LARGE1: variants seen among roughly 807,000 people sequenced by gnomAD.
LARGE1 encodes the protein LARGE xylosyl- and glucuronyltransferase 1, also known as xylosyl- and glucuronyltransferase LARGE1.
In LARGE1, 43 loss-of-function variants were observed where a neutral mutation model predicts 87.6. That is an observed-to-expected ratio of 0.49 (90% CI 0.38 to 0.63). The LOEUF is 0.63. LARGE1 is among the 30% of genes least tolerant of loss of function. The probability of loss-of-function intolerance (pLI) is 0.00; values close to 1 mark genes in which losing one functional copy is unlikely to be tolerated. For missense variants in LARGE1, 802 were observed against 1,000.2 expected (o/e 0.80, Z 2.67); for synonymous variants, 434 against 394.6 (o/e 1.10, Z -1.18).
At chr22:33,757,070 A>G (rs1408395591) in intron 2 of LARGE1, among the ~76,000 whole-genome samples, 1 of 152,222 alleles carries the variant, frequency 6.6e-6, no homozygotes, top group Non-Finnish European at 1.5e-5. Context: ...CGCACTAACA[A>G]AAACACCACC....
At position 33,748,024 on chromosome 22, in the gene LARGE1, CAAAAAAAA is replaced by C. The variant is rs535230421; in HGVS notation, c.106+13339_106+13346del. ...GGGCACTGTGTGCCCTCTGCTGGAG[CAAAAAAAA>C]AAAAAAAAAAAAAAAAAAAAGCCAA... On this transcript the variant is annotated intron_variant, in intron 2 of 14. Coordinates refer to ENST00000397394, the MANE Select transcript of LARGE1 (RefSeq NM_133642.5). Among the ~76,000 whole-genome samples, 112 of 21,726 alleles carry C rather than the reference CAAAAAAAA, an allele frequency of 5.2e-3. 1 individual carries two copies. The highest frequency in any genetic ancestry group is 0.02 in the Middle Eastern group (1 of 50). 14.3% of individuals were successfully genotyped at this position (21,726 alleles called of 152,430 possible). A position where few individuals can be genotyped will look rare whatever the true frequency, so the allele number is the denominator to read the frequency against.
intron 2 of LARGE1, among the ~76,000 whole-genome samples, chr22:33,759,077 AT>A (rs2084626537): frequency 2.0e-5 from 3 of 152,310 alleles, no homozygotes; most frequent in Admixed American, 6.5e-5. Flanking sequence ...CTCTATGTAG[AT>A]AAAGTCACCC....
chr22:33,512,168 T>C (rs2071086843), intron 6 of LARGE1, among the ~76,000 whole-genome samples: 1 of 152,192 alleles, frequency 6.6e-6, no homozygotes, highest in African/African-American at 2.4e-5. Context: ...AAACTGATAT[T>C]GTAGATTAAG....
intron 4 of LARGE1, among the ~76,000 whole-genome samples, chr22:33,607,775 A>G (rs1237414890): frequency 3.5e-4 from 53 of 152,260 alleles, no homozygotes; most frequent in Admixed American, 3.4e-3. Context: ...CCTGCCATAC[A>G]TGTAACAGGT....
intron 7 of LARGE1, among the ~76,000 whole-genome samples, chr22:33,405,631 G>A (rs1189437340): frequency 2.0e-5 from 3 of 152,062 alleles, no homozygotes; most frequent in Admixed American, 6.6e-5. Flanking sequence ...CTTTCAATAC[G>A]GAATGCTCCA....
At chr22:33,349,234 A>G (rs1940121838) in intron 9 of LARGE1, among the ~76,000 whole-genome samples, 1 of 152,206 alleles carries the variant, frequency 6.6e-6, no homozygotes. Flanking sequence ...CAGCTTGTAG[A>G]TGGCAGATGG....
chr22:33,302,140 G>A (rs779638711), intron 12 of LARGE1, among the ~76,000 whole-genome samples: 4 of 152,304 alleles, frequency 2.6e-5, no homozygotes, highest in African/African-American at 7.2e-5. Flanking sequence ...CTGTCATCCC[G>A]GAAGCTGCCC....
At chr22:33,455,139 A>G (rs570132897) in intron 6 of LARGE1, among the ~76,000 whole-genome samples, 94 of 152,336 alleles carry the variant, frequency 6.2e-4, no homozygotes, top group South Asian at 2.3e-3. Flanking sequence ...TCCTGGGTCC[A>G]TAAGGGAGGG....
At chr22:33,178,197 T>C (rs1028971222) in intron 11 of LARGE1, among the ~76,000 whole-genome samples, 1 of 152,194 alleles carries the variant, frequency 6.6e-6, no homozygotes, top group African/African-American at 2.4e-5. Flanking sequence ...CAGGGCCAAA[T>C]GAGTTTCCAA....
At chr22:33,336,967 G>A (rs113380053) in intron 10 of LARGE1, among the ~76,000 whole-genome samples, 5,842 of 151,650 alleles carry the variant, frequency 0.039, 396 homozygotes, top group African/African-American at 0.13. Context: ...AGGCTGAGGC[G>A]GGAGAATCGC....
At chr22:33,391,238 C>T (rs1197477882) in intron 7 of LARGE1, among the ~76,000 whole-genome samples, 3 of 152,094 alleles carry the variant, frequency 2.0e-5, no homozygotes, top group African/African-American at 7.2e-5. Context: ...TGAGCACCTG[C>T]TTTGGTTCTA....
At chr22:33,522,470 G>A (rs1046346130) in intron 6 of LARGE1, among the ~76,000 whole-genome samples, 4 of 152,006 alleles carry the variant, frequency 2.6e-5, no homozygotes, top group Admixed American at 6.5e-5. Context: ...AGGTGGAGGC[G>A]GGTGGATTGC....
At chr22:33,530,876 G>A (rs1316099814) in intron 6 of LARGE1, among the ~76,000 whole-genome samples, 1 of 152,170 alleles carries the variant, frequency 6.6e-6, no homozygotes, top group East Asian at 1.9e-4. Context: ...GCTACTAAAA[G>A]AACAGTATCT....
intron 6 of LARGE1, among the ~76,000 whole-genome samples, chr22:33,524,016 G>GT (rs1569237415): frequency 6.6e-6 from 1 of 152,044 alleles, no homozygotes; most frequent in Non-Finnish European, 1.5e-5. Flanking sequence ...AGCCCAGCCG[G>GT]GTGTGGTGGT....
chr22:33,503,261 T>G (rs1284760946), intron 6 of LARGE1, among the ~76,000 whole-genome samples: 544 of 147,154 alleles, frequency 3.7e-3, no homozygotes, highest in African/African-American at 0.011. Flanking sequence ...TTTTTTTTGT[T>G]TTTTTTTTTG....
chr22:33,887,160 T>TC (rs553448789), intron 1 of LARGE1, among the ~76,000 whole-genome samples: 60 of 152,074 alleles, frequency 3.9e-4, no homozygotes, highest in Middle Eastern at 3.4e-3. Context: ...AATATCGATG[T>TC]CCCCCCCAAA....
At chr22:33,345,933 A>G (rs1057246605) in intron 9 of LARGE1, among the ~76,000 whole-genome samples, 1 of 152,206 alleles carries the variant, frequency 6.6e-6, no homozygotes, top group Non-Finnish European at 1.5e-5. Context: ...GGCCAGGTGA[A>G]TAAGAACATG....
intron 6 of LARGE1, chr22:33,562,947 G>C (rs2077904220): frequency 6.6e-6 from 1 of 152,638 alleles, no homozygotes; most frequent in South Asian, 2.1e-4. Flanking sequence ...GAGAGCTCTT[G>C]AGAACAGCAC....
chr22:33,145,487 A>G, the LARGE1 span, among the ~76,000 whole-genome samples: 14 of 152,326 alleles, frequency 9.2e-5, no homozygotes, highest in African/African-American at 3.4e-4. Flanking sequence ...GAGGAATGGT[A>G]TCCAGGTCAG....
Sources: gnomAD v4.1 joint callset for allele counts (sites outside exome capture counted in the v4.1 genomes callset) on GRCh38, gnomAD v4.1.1 for gene constraint, MANE v1.5 for transcripts, NCBI Gene and HGNC (gene_info 2026-07-23, HGNC 2026-07-21) for gene names.